Variants in RGL1 observed in about 807,000 individuals in gnomAD.
RGL1 encodes ral guanine nucleotide dissociation stimulator-like 1.
A neutral mutation model predicts 95.2 loss-of-function variants in RGL1; 24 were observed. That is an observed-to-expected ratio of 0.25 (90% CI 0.18 to 0.35). The LOEUF (loss-of-function observed/expected upper bound fraction) is 0.35. Among genes scored for constraint, RGL1 ranks in the 10% least tolerant of loss-of-function variants. The pLI, the probability that RGL1 is intolerant of heterozygous loss-of-function variation, is 1.00. For missense variants in RGL1, 715 were observed against 936.3 expected, an observed-to-expected ratio of 0.76 and a Z score of 3.08; for synonymous variants, 329 against 344.9, an observed-to-expected ratio of 0.95 and a Z score of 0.51.
chr1:183,753,302 A>G (rs1227657612), intron 2 of RGL1, among the ~76,000 whole-genome samples: 3 of 151,960 alleles, frequency 2.0e-5, no homozygotes, highest in Admixed American at 6.6e-5. Flanking sequence ...TACTTCTAGA[A>G]GTTTTGTTTT....
Position 183,736,865 on chromosome 1 carries a change from G to A in RGL1, c.-32-5261G>A, listed in dbSNP as rs530228443. On this transcript the variant is annotated intron_variant, in intron 1 of 18. Coordinates refer to the RGL1 transcript ENST00000304685. ...GGGAGTCTGCAGAGGAAGAAGAAAA[G>A]CATGACCCTAATAGATAAAGATAAG... is the stretch of plus-strand genomic sequence containing the variant. Among the ~76,000 whole-genome samples, 7 of 152,226 alleles carry A rather than the reference G, an allele frequency of 4.6e-5. No individual in the cohort carries two copies. The South Asian group carries it at 1.0e-3, about 23-fold the overall frequency.
intron 2 of RGL1, among the ~76,000 whole-genome samples, chr1:183,783,601 T>A (rs908564885): frequency 1.3e-5 from 2 of 152,148 alleles, no homozygotes; most frequent in African/African-American, 4.8e-5. Context: ...TCTTTCCTGC[T>A]CCCCCTTTCT....
chr1:183,802,904 A>G (rs1465666853), upstream of RGL1, among the ~76,000 whole-genome samples: 2 of 152,254 alleles, frequency 1.3e-5, no homozygotes, highest in Non-Finnish European at 2.9e-5. Flanking sequence ...CAACTGAGTT[A>G]TAAATGGCTT....
chr1:183,772,278 C>T (rs557763872), intron 2 of RGL1, among the ~76,000 whole-genome samples: 3 of 152,310 alleles, frequency 2.0e-5, no homozygotes, highest in African/African-American at 7.2e-5. Context: ...TTGTAACACA[C>T]GCCCACTGGG....
intron 1 of RGL1, among the ~76,000 whole-genome samples, chr1:183,677,476 C>A (rs1036081305): frequency 6.6e-6 from 1 of 152,072 alleles, no homozygotes; most frequent in African/African-American, 2.4e-5. Context: ...CTGTGAAGAC[C>A]TTTTGGATTC....
At chr1:183,799,570 T>C (rs1660879628) in intron 2 of RGL1, among the ~76,000 whole-genome samples, 1 of 152,232 alleles carries the variant, frequency 6.6e-6, no homozygotes, top group South Asian at 2.1e-4. Flanking sequence ...TTAAGCATCT[T>C]TTCATACACC....
At chr1:183,836,081 A>G (rs1663628973) in intron 2 of RGL1, among the ~76,000 whole-genome samples, 2 of 152,216 alleles carry the variant, frequency 1.3e-5, no homozygotes, top group Admixed American at 1.3e-4. Flanking sequence ...AATAATTCCT[A>G]CACTACAGGG....
chr1:183,708,006 C>A (rs1178996677), intron 1 of RGL1, among the ~76,000 whole-genome samples: 1 of 151,998 alleles, frequency 6.6e-6, no homozygotes, highest in African/African-American at 2.4e-5. Context: ...GGAATTTCTC[C>A]CCATTTCTCC....
chr1:183,783,687 T>G (rs1399475303), intron 2 of RGL1, among the ~76,000 whole-genome samples: 1 of 152,198 alleles, frequency 6.6e-6, no homozygotes, highest in East Asian at 1.9e-4. Context: ...GATATTTATA[T>G]TCTTAGGGAA....
chr1:183,775,206 A>G (rs1202166234), intron 2 of RGL1, among the ~76,000 whole-genome samples: 2 of 152,218 alleles, frequency 1.3e-5, no homozygotes, highest in Non-Finnish European at 2.9e-5. Context: ...AACAGAATCT[A>G]GACTGAACCC....
At chr1:183,768,714 C>T (rs1659121455) in intron 2 of RGL1, among the ~76,000 whole-genome samples, 1 of 152,148 alleles carries the variant, frequency 6.6e-6, no homozygotes, top group Non-Finnish European at 1.5e-5. Context: ...TCAACTTATC[C>T]TCCTGCCTTG....
chr1:183,684,717 G>A (rs543019900), intron 1 of RGL1, among the ~76,000 whole-genome samples: 24 of 152,354 alleles, frequency 1.6e-4, no homozygotes, highest in Non-Finnish European at 2.1e-4. Flanking sequence ...CCCTGGTGGT[G>A]TAGGGACCCG....
intron 3 of RGL1, among the ~76,000 whole-genome samples, chr1:183,858,267 T>C (rs909259728): frequency 1.3e-5 from 2 of 152,192 alleles, no homozygotes; most frequent in African/African-American, 2.4e-5. Flanking sequence ...GTGGGAGTGA[T>C]TGATCACAAA....
At chr1:183,753,920 C>A (rs1412728971) in intron 2 of RGL1, among the ~76,000 whole-genome samples, 2 of 147,344 alleles carry the variant, frequency 1.4e-5, no homozygotes, top group East Asian at 4.0e-4. Flanking sequence ...TGTTTTGTTT[C>A]TTTGTGAGTT....
chr1:183,736,190 A>G (rs964102252), intron 1 of RGL1, among the ~76,000 whole-genome samples: 1 of 152,240 alleles, frequency 6.6e-6, no homozygotes, highest in Non-Finnish European at 1.5e-5. Flanking sequence ...TAGTGAATGC[A>G]TAATATGGGA....
intron 1 of RGL1, among the ~76,000 whole-genome samples, chr1:183,683,994 G>A (rs1471786593): frequency 1.3e-5 from 2 of 152,004 alleles, no homozygotes; most frequent in South Asian, 2.1e-4. Context: ...CAAAGTTCTC[G>A]TGCTGTGTTT....
chr1:183,744,595 A>C (rs548561191), intron 2 of RGL1, among the ~76,000 whole-genome samples: 1 of 152,300 alleles, frequency 6.6e-6, no homozygotes, highest in Non-Finnish European at 1.5e-5. Context: ...TTCAGTATTT[A>C]TACTACATGC....
chr1:183,913,182 C>CTTTTTTT lies in RGL1; in HGVS notation c.1749+936_1749+942dup, dbSNP rs537751695. ...TAAGATCTTAATTAAGACCAGTCTTCTTTTTTTTTTTTTTTTTTTTTTTTT... is the reference window on the plus strand; with the variant it reads ...TAAGATCTTAATTAAGACCAGTCTTCTTTTTTTTTTTTTTTTTTTTTTTTTTTTTTTT... On this transcript the variant is annotated intron_variant, in intron 15 of 17. Coordinates refer to ENST00000360851, the MANE Select transcript of RGL1 (RefSeq NM_001297671.3). Among the ~76,000 whole-genome samples the CTTTTTTT allele has an allele frequency of 2.1e-3, 140 of 68,276 alleles. 18 individuals are homozygous for CTTTTTTT. Among genetic ancestry groups the CTTTTTTT allele is most frequent in the African/African-American group, 5.6e-3 (90 of 15,944 alleles). The allele number at this position is 68,276 out of a possible 152,430, so 44.8% of individuals were successfully genotyped here. A position where few individuals can be genotyped will look rare whatever the true frequency, so the allele number is the denominator to read the frequency against.
Position 183,805,411 on chromosome 1 carries a change from G to T in RGL1, c.27+87G>T, listed in dbSNP as rs1572433750. 8.7e-6 allele frequency: 10 copies of T among 1,148,330 alleles called. No individual in the cohort carries two copies. The East Asian group carries it at 2.5e-4, about 28-fold the overall frequency. The allele number at this position is 1,148,330 out of a possible 1,614,324, so 71.1% of individuals were successfully genotyped here. The stretch of plus-strand genomic sequence containing the variant: ...GCTGGGCGTGTTTTGGACTCCCTCG[G>T]AGTGAACGGAGCAATCCGATTCCAT... On this transcript the variant is annotated intron_variant, in intron 1 of 17. Transcript: ENST00000360851.
Sources: allele counts gnomAD v4.1 joint callset (sites outside exome capture counted in the v4.1 genomes callset), GRCh38; gene constraint gnomAD v4.1.1; transcripts MANE v1.5; gene names NCBI Gene and HGNC (gene_info 2026-07-23, HGNC 2026-07-21).